Variants in GLB1 observed in about 807,000 individuals in gnomAD.
GLB1 encodes beta-galactosidase.
A neutral mutation model predicts 74.0 loss-of-function variants in GLB1; 56 were observed. The ratio of observed to expected loss-of-function variants is 0.76; its 90% CI spans 0.61 to 0.94. The LOEUF (loss-of-function observed/expected upper bound fraction) is 0.94, where lower values mean the gene tolerates loss of function less well. Ranked by LOEUF, GLB1 falls within the 40% of genes least tolerant of loss-of-function variation. GLB1 has a pLI of 0.00. For synonymous variants in GLB1, 323 were observed against 323.6 expected (o/e 1.00, Z 0.02); for missense variants, 787 against 845.5 (o/e 0.93, Z 0.86).
chr3:33,046,273 C>A, intron 9 of GLB1, 41 bp from the exon 10 acceptor site: 2 of 1,609,718 alleles, frequency 1.2e-6, no homozygotes, highest in Non-Finnish European at 1.7e-6. Context: ...ACTGATGGTG[C>A]AGCTCTGGGA....
At chr3:33,021,220 CTGTTT>C in intron 12 of GLB1, 1 of 332,478 alleles carries the variant, frequency 3.0e-6, no homozygotes, top group Non-Finnish European at 5.7e-6. Context: ...ATTAAACTGT[CTGTTT>C]TGAGTATTAA....
At chr3:33,011,013 C>T (rs1022199231) in intron 15 of GLB1, among the ~76,000 whole-genome samples, 10 of 152,208 alleles carry the variant, frequency 6.6e-5, no homozygotes, top group South Asian at 2.1e-4. Context: ...CTCACCACCA[C>T]GCCTGGCTAA....
At chr3:33,090,731 T>C (rs536424942) in intron 1 of GLB1, 2 of 985,310 alleles carry the variant, frequency 2.0e-6, no homozygotes, top group African/African-American at 3.5e-5. Context: ...GCTGCAAAAA[T>C]GTCCGCCGCG....
At chr3:33,042,267 A>G (rs1016896884) in intron 10 of GLB1, among the ~76,000 whole-genome samples, 5 of 151,530 alleles carry the variant, frequency 3.3e-5, no homozygotes, top group African/African-American at 1.2e-4. Flanking sequence ...CAACTCCTCA[A>G]TGGATTCCCA....
chr3:33,080,021 C>G (rs1450822668), intron 1 of GLB1, among the ~76,000 whole-genome samples: 1 of 152,026 alleles, frequency 6.6e-6, no homozygotes, highest in Admixed American at 6.6e-5. Flanking sequence ...TGGCCTCAAG[C>G]AATCCTCCCA....
At chr3:33,056,101 G>A (rs1018832228) in intron 6 of GLB1, among the ~76,000 whole-genome samples, 1 of 151,646 alleles carries the variant, frequency 6.6e-6, no homozygotes, top group East Asian at 2.0e-4. Context: ...GGTGGCAGGT[G>A]CCTGTAATCC....
intron 7 of GLB1, among the ~76,000 whole-genome samples, chr3:33,053,206 T>C (rs1269553428): frequency 6.6e-6 from 1 of 152,182 alleles, no homozygotes; most frequent in Non-Finnish European, 1.5e-5. Context: ...TTATGAGAGT[T>C]GCCCTGAGGA....
intron 2 of GLB1, among the ~76,000 whole-genome samples, chr3:33,071,209 C>A (rs1699875053): frequency 6.6e-6 from 1 of 152,214 alleles, no homozygotes; most frequent in East Asian, 1.9e-4. Context: ...CTGGAACAGT[C>A]TTGGTCTTCC....
At chr3:33,018,829 G>A (rs1697352011) in intron 12 of GLB1, among the ~76,000 whole-genome samples, 1 of 152,046 alleles carries the variant, frequency 6.6e-6, no homozygotes, top group Admixed American at 6.6e-5. Context: ...ACCCTGAATG[G>A]GTTAAGTTAC....
At chr3:32,989,325 T>C in the GLB1 span, among the ~76,000 whole-genome samples, 5 of 152,192 alleles carry the variant, frequency 3.3e-5, no homozygotes, top group African/African-American at 4.8e-5. Context: ...CAACTATGAA[T>C]AAAGTTCCAC....
At chr3:33,045,607 T>C in intron 10 of GLB1, 1 of 991,356 alleles carries the variant, frequency 1.0e-6, no homozygotes, top group African/African-American at 1.7e-5. Context: ...AGATGATGCA[T>C]TAAATAAAGA....
chr3:33,003,101 T>C (rs2125449618), intron 15 of GLB1, among the ~76,000 whole-genome samples: 1 of 152,360 alleles, frequency 6.6e-6, no homozygotes, highest in Non-Finnish European at 1.5e-5. Context: ...ACTTTTTTGC[T>C]TCCTCCTCAG....
At chr3:33,046,920 C>T (rs753596508) in intron 9 of GLB1, among the ~76,000 whole-genome samples, 2 of 152,154 alleles carry the variant, frequency 1.3e-5, no homozygotes, top group African/African-American at 2.4e-5. Flanking sequence ...CAGATGTGTC[C>T]GTCTCTGGGT....
intron 9 of GLB1, 22 bp from the exon 10 acceptor site, chr3:33,046,254 C>T: frequency 6.2e-7 from 1 of 1,613,196 alleles, no homozygotes; most frequent in South Asian, 1.1e-5. Flanking sequence ...AAATGTGCCA[C>T]TAGTTATTAC....
rs545350547 is a variant in GLB1, at chr3:33,041,618, C to T, written c.1068+4502G>A. 4.8e-5 allele frequency among the ~76,000 whole-genome samples: 7 copies of T among 147,172 alleles called. No individual in the cohort carries two copies. In the South Asian group the frequency reaches 1.5e-3, roughly 32 times the overall value. On this transcript the variant is annotated intron_variant, in intron 10 of 15. Coordinates refer to ENST00000307363, the MANE Select transcript of GLB1 (RefSeq NM_000404.4). Reference sequence around the variant, plus strand: ...CAGAGGTTGCAGTGAGCCAAGATCTCACCACTGCACTCATTCTGGACAACA... The same window carrying T: ...CAGAGGTTGCAGTGAGCCAAGATCTTACCACTGCACTCATTCTGGACAACA...
Position 32,997,235 on chromosome 3 carries a change from G to T in GLB1, c.1844C>A (p.Thr615Asn), listed in dbSNP as rs139542437. 136 of 1,614,196 alleles carry T rather than the reference G, an allele frequency of 8.4e-5. No homozygotes were observed. Among genetic ancestry groups the T allele is most frequent in the Non-Finnish European group, 1.1e-4 (128 of 1,180,038 alleles). Reference protein sequence around the residue: ...QHILMTSAPNTITVLELEWAP... With the variant: ...QHILMTSAPNNITVLELEWAP... Reference sequence around the variant, plus strand: ...CCACTCCAGTTCCAGCACGGTGATGGTGTTTGGGGCCGAGGTCATCAGGAT... The same window carrying T: ...CCACTCCAGTTCCAGCACGGTGATGTTGTTTGGGGCCGAGGTCATCAGGAT... Residue 615 changes from threonine (T) to asparagine (N), a missense_variant, in exon 16 of 16, where the codon ACC (threonine) becomes AAC (asparagine). Thr to Asn is a moderately conservative substitution (Grantham distance 65, BLOSUM62 0). Coordinates refer to ENST00000307363, the MANE Select transcript of GLB1 (RefSeq NM_000404.4).
rs887474327 is a variant in GLB1, at chr3:33,014,157, T to C, written c.1633A>G (p.Asn545Asp). 5 of 1,614,150 alleles carry C rather than the reference T, an allele frequency of 3.1e-6. No individual in the cohort carries two copies. In the African/African-American group the frequency reaches 6.7e-5, roughly 22 times the overall value. The change falls in exon 15 of 16, where the codon AAC becomes GAC. Residue 545 changes from asparagine (N) to aspartate (D), a missense_variant. Coordinates refer to ENST00000307363, the MANE Select transcript of GLB1 (RefSeq NM_000404.4). ...ATATAAAAGGCCGGGAGCGTGTAGT[T>C]GGATGAGTTGTGGGCCCAGGCTTCA... ...HDEAWAHNSS[N>D]YTLPAFYMGN... is the part of the protein sequence containing the mutation.
At chr3:33,031,725 A>G (rs1475673815) in intron 10 of GLB1, among the ~76,000 whole-genome samples, 9 of 146,392 alleles carry the variant, frequency 6.1e-5, no homozygotes, top group African/African-American at 2.2e-4. Context: ...AGAAATATCA[A>G]AAAAAGAGGG....
intron 10 of GLB1, among the ~76,000 whole-genome samples, chr3:33,036,224 T>C (rs769622085): frequency 6.6e-6 from 1 of 151,926 alleles, no homozygotes. Context: ...TACAGAAGGA[T>C]TGAGGGTGAT....
Sources: allele counts gnomAD v4.1 joint callset (sites outside exome capture counted in the v4.1 genomes callset), GRCh38; gene constraint gnomAD v4.1.1; transcripts MANE v1.5; gene names NCBI Gene and HGNC (gene_info 2026-07-23, HGNC 2026-07-21).